OCIAD1: variants seen among roughly 807,000 people sequenced by gnomAD.
OCIAD1 encodes OCIA domain containing 1, also known as OCIA domain-containing protein 1.
OCIAD1 carries 29 observed loss-of-function variants against 38.9 expected under a neutral mutation model. The observed-to-expected ratio is 0.74, with a 90% CI of 0.55 to 1.02. OCIAD1 has a LOEUF of 1.02. Ranked by LOEUF, OCIAD1 falls within the 50% of genes least tolerant of loss-of-function variation. The probability of loss-of-function intolerance (pLI) is 0.00; values close to 1 mark genes in which losing one functional copy is unlikely to be tolerated. For synonymous variants in OCIAD1, 110 were observed against 92.0 expected, an observed-to-expected ratio of 1.20 and a Z score of -1.12; for missense variants, 288 against 289.6, an observed-to-expected ratio of 0.99 and a Z score of 0.04.
chr4:48,826,982 C>A (rs1579037977), upstream of OCIAD1, among the ~76,000 whole-genome samples: 1 of 152,078 alleles, frequency 6.6e-6, no homozygotes, highest in Admixed American at 6.6e-5. Context: ...TATAATTGAC[C>A]ATTTCTTCCT....
rs1168445231 is a variant in OCIAD1, at chr4:48,861,052, CGA to C, written c.*293_*294del. On this transcript the variant is annotated 3_prime_UTR_variant, in exon 9 of 9. Transcript: ENST00000264312. ...GCAAAGATAACTCTTAAAAAACCGTCGAGATTACAATGCTCTAGAATCAGCAT... is the reference window on the plus strand; with the variant it reads ...GCAAAGATAACTCTTAAAAAACCGTCGATTACAATGCTCTAGAATCAGCAT... The C allele has an allele frequency of 3.1e-5, 10 of 319,842 alleles. No individual in the cohort carries two copies. The highest frequency in any genetic ancestry group is 1.5e-4 in the African/African-American group (7 of 46,260). The allele number at this position is 319,842 out of a possible 1,614,324, so 19.8% of individuals were successfully genotyped here.
intron 1 of OCIAD1, among the ~76,000 whole-genome samples, chr4:48,809,036 A>G (rs1181165304): frequency 1.3e-5 from 2 of 152,094 alleles, no homozygotes; most frequent in African/African-American, 4.8e-5. Context: ...CACCACTTCA[A>G]CCATCTTAGT....
chr4:48,827,481 C>T (rs1318305637), upstream of OCIAD1, among the ~76,000 whole-genome samples: 1 of 152,164 alleles, frequency 6.6e-6, no homozygotes, highest in Non-Finnish European at 1.5e-5. Context: ...TCCTACAGCC[C>T]ATCTCTAGCA....
At chr4:48,853,057 T>C (rs1271852759) in intron 7 of OCIAD1, among the ~76,000 whole-genome samples, 1 of 151,826 alleles carries the variant, frequency 6.6e-6, no homozygotes, top group East Asian at 1.9e-4. Context: ...TTTTTTGTAT[T>C]TTTAGTAGAG....
intron 4 of OCIAD1, 42 bp from the exon 5 acceptor site, chr4:48,848,357 C>G (rs763799442): frequency 2.1e-6 from 2 of 950,160 alleles, no homozygotes; most frequent in African/African-American, 3.3e-5. Flanking sequence ...ATTTTTCTTT[C>G]TGTAACAGTG....
intron 3 of OCIAD1, among the ~76,000 whole-genome samples, chr4:48,839,459 G>A (rs1486037188): frequency 6.7e-6 from 1 of 148,942 alleles, no homozygotes; most frequent in Non-Finnish European, 1.5e-5. Context: ...AAAGAGTATG[G>A]ACTCTGAGGC....
At chr4:48,842,536 A>G in intron 3 of OCIAD1, 100 bp from the exon 4 acceptor site, 1 of 747,630 alleles carries the variant, frequency 1.3e-6, no homozygotes, top group South Asian at 1.6e-5. Context: ...GTTATGCAAT[A>G]TAATTCCTAG....
intron 3 of OCIAD1, among the ~76,000 whole-genome samples, chr4:48,839,689 A>G (rs1560424268): frequency 6.6e-6 from 1 of 152,188 alleles, no homozygotes; most frequent in Non-Finnish European, 1.5e-5. Context: ...ATTTTTATTG[A>G]CTACAGTTAG....
Position 48,851,774 on chromosome 4 carries a change from A to G in OCIAD1, c.378-32A>G, listed in dbSNP as rs778777777. 1.8e-5 allele frequency: 24 copies of G among 1,328,044 alleles called. No homozygotes were observed. The South Asian group carries it at 2.5e-4, about 14-fold the overall frequency. 82.3% of individuals were successfully genotyped at this position (1,328,044 alleles called of 1,614,324 possible). On this transcript the variant is annotated intron_variant, in intron 6 of 8. Coordinates refer to ENST00000264312, the MANE Select transcript of OCIAD1 (RefSeq NM_017830.4). ...CTTTAAGATATAGGCAATGACTCAT[A>G]TTTCTTACTACAATATGATTTTCAT...
intron 1 of OCIAD1, among the ~76,000 whole-genome samples, chr4:48,816,953 G>A (rs1181303606): frequency 6.6e-6 from 1 of 152,192 alleles, no homozygotes; most frequent in East Asian, 1.9e-4. Flanking sequence ...CTGGGTGACA[G>A]AGCGAGACTC....
chr4:48,825,035 C>T (rs1777234621), intron 1 of OCIAD1, among the ~76,000 whole-genome samples: 1 of 152,188 alleles, frequency 6.6e-6, no homozygotes, highest in South Asian at 2.1e-4. Context: ...CTGCGCCTGG[C>T]TGGAGTTTTT....
intron 1 of OCIAD1, among the ~76,000 whole-genome samples, chr4:48,819,744 AG>A (rs141454328): frequency 0.17 from 16,089 of 94,660 alleles, 4,585 homozygotes; most frequent in South Asian, 0.24. Context: ...AAAAAAAAAA[AG>A]GAGGGGTTGC....
intron 1 of OCIAD1, among the ~76,000 whole-genome samples, chr4:48,806,182 G>A (rs867984592): frequency 1.3e-5 from 2 of 151,904 alleles, no homozygotes; most frequent in Non-Finnish European, 2.9e-5. Flanking sequence ...CAGGAGAATC[G>A]CTTGAACCCG....
chr4:48,825,638 T>TGAGTGAGTGAATCAATA (rs1777242895), intron 1 of OCIAD1, among the ~76,000 whole-genome samples: 1 of 152,206 alleles, frequency 6.6e-6, no homozygotes, highest in African/African-American at 2.4e-5. Flanking sequence ...GCCCACAGAC[T>TGAGTGAGTGAATCAATA]GCTGCAAAGG....
chr4:48,858,453 G>A (rs1025876767), intron 8 of OCIAD1, among the ~76,000 whole-genome samples: 3 of 151,940 alleles, frequency 2.0e-5, no homozygotes, highest in Admixed American at 2.0e-4. Flanking sequence ...TTTTTGTTCT[G>A]TTTGTTTGTT....
chr4:48,856,074 G>T, intron 7 of OCIAD1: 1 of 151,760 alleles, frequency 6.6e-6, no homozygotes. Context: ...CTGAATGTTA[G>T]CATCTTTTTT....
At chr4:48,860,607 CAT>C (rs2109640713) in intron 8 of OCIAD1, 116 bp from the exon 9 acceptor site, 6 of 818,786 alleles carry the variant, frequency 7.3e-6, no homozygotes, top group Non-Finnish European at 1.2e-5. Context: ...ATTTGACTCT[CAT>C]GTGCTTTTAT....
intron 7 of OCIAD1, chr4:48,856,785 A>T (rs1235008994): frequency 6.6e-6 from 1 of 152,288 alleles, no homozygotes; most frequent in African/African-American, 2.4e-5. Context: ...AGGACTATTT[A>T]ACTATATATT....
chr4:48,836,960 A>C (rs1371053029), intron 3 of OCIAD1, among the ~76,000 whole-genome samples: 1 of 152,118 alleles, frequency 6.6e-6, no homozygotes, highest in Non-Finnish European at 1.5e-5. Flanking sequence ...ATGGCTCATT[A>C]GAATGGGAAT....
Sources: allele counts gnomAD v4.1 joint callset (sites outside exome capture counted in the v4.1 genomes callset), GRCh38; gene constraint gnomAD v4.1.1; transcripts MANE v1.5; gene names NCBI Gene and HGNC (gene_info 2026-07-23, HGNC 2026-07-21).